Variants in RNF144A observed in about 807,000 individuals in gnomAD.
RNF144A encodes the protein E3 ubiquitin-protein ligase RNF144A.
A neutral mutation model predicts 38.7 loss-of-function variants in RNF144A; 11 were observed. The observed-to-expected ratio is 0.28, with a 90% CI of 0.18 to 0.47. The LOEUF (loss-of-function observed/expected upper bound fraction) is 0.47, where lower values mean the gene tolerates loss of function less well. RNF144A is among the 20% of genes least tolerant of loss of function. The pLI is 0.99. For missense variants in RNF144A, 316 were observed against 377.2 expected (o/e 0.84, Z 1.34); for synonymous variants, 149 against 143.9 (o/e 1.04, Z -0.25).
At chr2:7,027,466 C>T (rs1195506116) in intron 7 of RNF144A, among the ~76,000 whole-genome samples, 1 of 152,228 alleles carries the variant, frequency 6.6e-6, no homozygotes. Flanking sequence ...TGAGGAAGGC[C>T]AGAGAGGTTT....
intron 6 of RNF144A, among the ~76,000 whole-genome samples, chr2:7,067,449 A>G (rs1177769321): frequency 6.6e-6 from 1 of 152,132 alleles, no homozygotes; most frequent in Non-Finnish European, 1.5e-5. Flanking sequence ...GCCTGCTCCC[A>G]CACCACTTGA....
chr2:7,034,625 A>G (rs532865521), intron 8 of RNF144A, among the ~76,000 whole-genome samples: 5 of 152,360 alleles, frequency 3.3e-5, no homozygotes, highest in African/African-American at 1.2e-4. Context: ...TGCACCTGCC[A>G]GGCTGTGGGA....
At chr2:6,972,774 C>A (rs1171951188) in intron 2 of RNF144A, among the ~76,000 whole-genome samples, 1 of 152,168 alleles carries the variant, frequency 6.6e-6, no homozygotes, top group Non-Finnish European at 1.5e-5. Context: ...GCCCAAACTC[C>A]CAGAGAAAAG....
chr2:7,049,556 TTTGAG>T (rs543149896), intron 6 of RNF144A, among the ~76,000 whole-genome samples: 138 of 152,328 alleles, frequency 9.1e-4, no homozygotes, highest in African/African-American at 3.2e-3. Flanking sequence ...TGCTCAGCGA[TTTGAG>T]TTTTCAACGA....
At chr2:6,994,404 T>C (rs1669589386) in intron 2 of RNF144A, among the ~76,000 whole-genome samples, 1 of 152,082 alleles carries the variant, frequency 6.6e-6, no homozygotes, top group Admixed American at 6.6e-5. Context: ...AAAAAAATTA[T>C]TAAGTATTAA....
At chr2:6,924,067 C>T (rs1262227640) in intron 1 of RNF144A, among the ~76,000 whole-genome samples, 1 of 152,214 alleles carries the variant, frequency 6.6e-6, no homozygotes, top group Admixed American at 6.5e-5. Flanking sequence ...ATTCTGTATT[C>T]CATCATGATC....
At chr2:6,993,539 A>G (rs1669530142) in intron 2 of RNF144A, among the ~76,000 whole-genome samples, 1 of 152,152 alleles carries the variant, frequency 6.6e-6, no homozygotes, top group Non-Finnish European at 1.5e-5. Context: ...CACAGAGGCT[A>G]TAACTGGCTT....
Position 7,043,389 on chromosome 2 carries a change from T to A in RNF144A, c.*3629T>A. On this transcript the variant is annotated 3_prime_UTR_variant, in exon 9 of 9. Transcript: ENST00000320892. ...TTTTTTTCTTGGTAGTCTTTAAAAA[T>A]TAGGGGATTGAAAGGATCCAGGATG... 1 of 985,492 alleles carries A rather than the reference T, an allele frequency of 1.0e-6. No homozygotes were observed. Among genetic ancestry groups the A allele is most frequent in the Non-Finnish European group, 1.2e-6 (1 of 829,820 alleles). The allele number at this position is 985,492 out of a possible 1,614,324, so 61.0% of individuals were successfully genotyped here. A position where few individuals can be genotyped will look rare whatever the true frequency, so the allele number is the denominator to read the frequency against.
intron 6 of RNF144A, among the ~76,000 whole-genome samples, chr2:7,064,837 G>A (rs957650242): frequency 3.3e-5 from 5 of 152,206 alleles, no homozygotes; most frequent in Admixed American, 6.5e-5. Flanking sequence ...ATATTCACAT[G>A]GATCCCAGAA....
At chr2:7,009,453 C>T (rs1169173681) in intron 3 of RNF144A, among the ~76,000 whole-genome samples, 4 of 151,694 alleles carry the variant, frequency 2.6e-5, no homozygotes, top group South Asian at 2.1e-4. Context: ...GCACAGGAGG[C>T]GGCGGGTCTA....
At chr2:7,052,374 T>C (rs1018170635) in intron 6 of RNF144A, among the ~76,000 whole-genome samples, 3 of 152,158 alleles carry the variant, frequency 2.0e-5, no homozygotes, top group Non-Finnish European at 4.4e-5. Flanking sequence ...TTTGTGCCCA[T>C]TTTATAGATC....
At chr2:7,039,478 G>A in intron 8 of RNF144A, 151 bp from the exon 9 acceptor site, 1 of 1,371,898 alleles carries the variant, frequency 7.3e-7, no homozygotes. Flanking sequence ...AGTAGATGAT[G>A]ACTAGATGGG....
At chr2:6,985,859 A>G (rs1041450132) in intron 2 of RNF144A, among the ~76,000 whole-genome samples, 2 of 152,100 alleles carry the variant, frequency 1.3e-5, no homozygotes, top group South Asian at 2.1e-4. Context: ...TATTTTTAGT[A>G]GAGGCGGGGT....
At chr2:7,017,234 T>C (rs1417419084) in intron 5 of RNF144A, among the ~76,000 whole-genome samples, 1 of 151,884 alleles carries the variant, frequency 6.6e-6, no homozygotes, top group Non-Finnish European at 1.5e-5. Context: ...TGGGTCCTCA[T>C]GCCTTCGTCC....
intron 3 of RNF144A, among the ~76,000 whole-genome samples, chr2:7,009,739 C>T (rs1018506473): frequency 6.6e-6 from 1 of 152,176 alleles, no homozygotes; most frequent in African/African-American, 2.4e-5. Flanking sequence ...GAAGGGAAGG[C>T]TGTGCAGGAG....
chr2:6,987,378 G>A (rs1558407722), intron 2 of RNF144A, among the ~76,000 whole-genome samples: 1 of 152,132 alleles, frequency 6.6e-6, no homozygotes, highest in Non-Finnish European at 1.5e-5. Context: ...GTGTGTGTGT[G>A]TGTCTCCCTG....
chr2:7,009,747 G>A (rs1288692443), intron 3 of RNF144A, among the ~76,000 whole-genome samples: 1 of 152,174 alleles, frequency 6.6e-6, no homozygotes, highest in Non-Finnish European at 1.5e-5. Context: ...GGCTGTGCAG[G>A]AGGTCGTGCC....
At chr2:6,946,489 C>G (rs938392232) in intron 2 of RNF144A, among the ~76,000 whole-genome samples, 3 of 151,698 alleles carry the variant, frequency 2.0e-5, no homozygotes, top group Non-Finnish European at 4.4e-5. Flanking sequence ...CTTTCTCTCT[C>G]TAAATATATA....
intron 3 of RNF144A, among the ~76,000 whole-genome samples, chr2:7,008,468 T>C (rs1041727469): frequency 2.6e-5 from 4 of 151,988 alleles, no homozygotes; most frequent in African/African-American, 7.3e-5. Context: ...CTGCCCCGAG[T>C]GGGTTCTTAT....
Sources: allele counts gnomAD v4.1 joint callset (sites outside exome capture counted in the v4.1 genomes callset), GRCh38; gene constraint gnomAD v4.1.1; transcripts MANE v1.5; gene names NCBI Gene and HGNC (gene_info 2026-07-23, HGNC 2026-07-21).